The following OTOGL variants were observed in gnomAD, a reference collection of about 807,000 sequenced individuals.
OTOGL encodes the protein otogelin-like protein.
Under a neutral mutation model 318.5 loss-of-function variants are expected in OTOGL, and 285 were observed. The ratio of observed to expected loss-of-function variants is 0.89; its 90% CI spans 0.81 to 0.99. OTOGL has a LOEUF of 0.99. OTOGL is among the 50% of genes least tolerant of loss of function. The pLI is 0.00. For synonymous variants in OTOGL, 987 were observed against 936.5 expected (o/e 1.05, Z -0.99); for missense variants, 2,899 against 2,845.6 (o/e 1.02, Z -0.43).
chr12:80,149,915 T>C (rs1219809920), intron 1 of OTOGL, among the ~76,000 whole-genome samples: 5 of 152,060 alleles, frequency 3.3e-5, no homozygotes, highest in Admixed American at 6.5e-5. Flanking sequence ...CTTCGGCTCA[T>C]GCACGGTGCG....
chr12:80,339,400 A>G, intron 43 of OTOGL, 136 bp downstream of exon 43: 1 of 700,686 alleles, frequency 1.4e-6, no homozygotes, highest in Non-Finnish European at 2.3e-6. Context: ...TTCAGTTCCC[A>G]TGTAAATACG....
At chr12:80,231,942 G>A (rs1879404332) in intron 8 of OTOGL, among the ~76,000 whole-genome samples, 4 of 151,874 alleles carry the variant, frequency 2.6e-5, no homozygotes, top group African/African-American at 9.7e-5. Flanking sequence ...CAGCTGACAT[G>A]ACTATCTTAA....
chr12:80,208,296 A>G, intron 1 of OTOGL: 1 of 482,726 alleles, frequency 2.1e-6, no homozygotes, highest in Non-Finnish European at 4.1e-6. Flanking sequence ...ATGTTGGACC[A>G]TGTAACATTA....
chr12:80,337,439 TTAAG>T (rs1279722063), intron 42 of OTOGL, among the ~76,000 whole-genome samples: 2 of 152,038 alleles, frequency 1.3e-5, no homozygotes, highest in African/African-American at 4.8e-5. Context: ...GTTGACATAA[TTAAG>T]TTTTTGGTGA....
chr12:80,287,466 C>T, intron 26 of OTOGL, among the ~76,000 whole-genome samples: 1 of 148,652 alleles, frequency 6.7e-6, no homozygotes, highest in East Asian at 1.9e-4. Context: ...AATTTTCTGT[C>T]TTGTTGATAT....
chr12:80,229,334 G>C lies in OTOGL; in HGVS notation c.567G>C (p.Glu189Asp), dbSNP rs1879159175. 2.5e-6 allele frequency: 4 copies of C among 1,596,332 alleles called. No homozygotes were observed. In the East Asian group the frequency reaches 8.9e-5, roughly 36 times the overall value. ...TCAGCTTGTTCTTTTCAAACCAAGA[G>C]GAAATTCGAATTTATGGTCATGAAA... ...RSISLFFSNQEEIRIYGHEIK... is the reference protein window; with the variant it reads ...RSISLFFSNQDEIRIYGHEIK... The change falls in exon 8 of 59, where the codon GAG (glutamate) becomes GAC (aspartate). Residue 189 changes from glutamate to aspartate, a missense_variant. Glu to Asp is a conservative substitution (Grantham distance 45). Transcript: ENST00000547103.
Position 80,256,344 on chromosome 12 carries a change from G to C in OTOGL, c.1595G>C (p.Gly532Ala). 1 of 1,594,930 alleles carries C rather than the reference G, an allele frequency of 6.3e-7. No individual in the cohort carries two copies. Reference protein sequence around the residue: ...LQKAPCEQNLGLVCLQSITLI... With the variant: ...LQKAPCEQNLALVCLQSITLI... ...AATTTGATTTTTACGCAGAATCTTG[G>C]CTTGGTCTGCCTTCAGTCTATAACT... is the stretch of plus-strand genomic sequence containing the variant. The change falls in exon 17 of 59, where the codon GGC (glycine) becomes GCC (alanine). Residue 532 changes from glycine to alanine, a missense_variant. Physicochemically the swap from Gly to Ala is moderately conservative, Grantham distance 60. Coordinates refer to ENST00000547103, the MANE Select transcript of OTOGL (RefSeq NM_001378609.3).
rs376575601 is a variant in OTOGL, at chr12:80,293,316, A to G, written c.2929-3511A>G. Among the ~76,000 whole-genome samples, 17 of 152,370 alleles carry G rather than the reference A, an allele frequency of 1.1e-4. No individual in the cohort carries two copies. In the East Asian group the frequency reaches 3.1e-3, roughly 28 times the overall value. Reference sequence around the variant, plus strand: ...TTTACCTTTGCATTGTGCATTATTAACACTAAAGTTAATTTTAAGAAATAC... The same window carrying G: ...TTTACCTTTGCATTGTGCATTATTAGCACTAAAGTTAATTTTAAGAAATAC... On this transcript the variant is annotated intron_variant, in intron 26 of 58. Transcript: ENST00000547103.
At chr12:80,312,217 C>T (rs10862090) in intron 30 of OTOGL, among the ~76,000 whole-genome samples, 29,307 of 151,894 alleles carry the variant, frequency 0.19, 2,994 homozygotes, top group Middle Eastern at 0.24. Context: ...TGCATGGAAC[C>T]GAATTTTCTT....
At chr12:80,236,467 GCTAAATA>G (rs1879855449) in intron 9 of OTOGL, among the ~76,000 whole-genome samples, 1 of 152,152 alleles carries the variant, frequency 6.6e-6, no homozygotes. Flanking sequence ...GTATAAAATA[GCTAAATA>G]CTTGGTTCAA....
At chr12:80,217,011 G>A (rs1325543228) in intron 4 of OTOGL, among the ~76,000 whole-genome samples, 1 of 152,212 alleles carries the variant, frequency 6.6e-6, no homozygotes, top group Non-Finnish European at 1.5e-5. Context: ...TACAGTGTCA[G>A]TCAGCTCTTT....
chr12:80,187,415 G>T (rs1421015710), intron 1 of OTOGL, among the ~76,000 whole-genome samples: 1 of 152,146 alleles, frequency 6.6e-6, no homozygotes, highest in East Asian at 1.9e-4. Flanking sequence ...AAATATGGAG[G>T]AAGGATGACA....
In OTOGL at chr12:80,275,961, A is replaced by G. The variant is rs570481520; in HGVS notation, c.2682-2207A>G. ...TTTTATGTGTACTAGGAACCAAAAA[A>G]TCTGCTTTATTGACTTGCTTTATTG... On this transcript the variant is annotated intron_variant, in intron 24 of 58. Transcript: ENST00000547103. Among the ~76,000 whole-genome samples, 12 of 24,568 alleles carry G rather than the reference A, an allele frequency of 4.9e-4. No individual in the cohort carries two copies. The East Asian group carries it at 0.014, about 30-fold the overall frequency. 16.1% of individuals were successfully genotyped at this position (24,568 alleles called of 152,430 possible). A position where few individuals can be genotyped will look rare whatever the true frequency, so the allele number is the denominator to read the frequency against.
chr12:80,282,906 C>G (rs1035607595), intron 26 of OTOGL, among the ~76,000 whole-genome samples: 2 of 151,860 alleles, frequency 1.3e-5, no homozygotes, highest in African/African-American at 4.8e-5. Flanking sequence ...ACATAAGCCC[C>G]CACTCAGAGA....
rs541182010 is a variant in OTOGL at position 80,266,508 on chromosome 12, C to A, written c.2282C>A (p.Ser761Tyr). Reference sequence around the variant, plus strand: ...CACTGTTCCTCGTTCTGCCTCCATTCCTGCATTTCTCTCTCTTCCCCGGAG... The same window carrying A: ...CACTGTTCCTCGTTCTGCCTCCATTACTGCATTTCTCTCTCTTCCCCGGAG... ...YHHCSSFCLH[S>Y]CISLSSPEQC... Residue 761 changes from serine (S) to tyrosine (Y), a missense_variant, in exon 21 of 59, where the codon TCC (serine) becomes TAC (tyrosine). By Grantham distance (144) the Ser-to-Tyr change is moderately radical (BLOSUM62 -2). Coordinates refer to ENST00000547103, the MANE Select transcript of OTOGL (RefSeq NM_001378609.3). The A allele has an allele frequency of 8.1e-5, 131 of 1,613,486 alleles. No individual in the cohort carries two copies. The East Asian group carries it at 2.2e-3, about 27-fold the overall frequency.
chr12:80,235,579 G>T (rs1217345194), intron 9 of OTOGL, among the ~76,000 whole-genome samples: 1 of 152,036 alleles, frequency 6.6e-6, no homozygotes, highest in Non-Finnish European at 1.5e-5. Context: ...CTAGTTAGAG[G>T]CAGGAAGACT....
chr12:80,276,717 C>T (rs1360842056), intron 24 of OTOGL, among the ~76,000 whole-genome samples: 2 of 151,298 alleles, frequency 1.3e-5, no homozygotes, highest in African/African-American at 2.4e-5. Context: ...CATTGTTGGT[C>T]GGAAAGAAAG....
At chr12:80,310,227 G>T (rs1886540186) in intron 29 of OTOGL, among the ~76,000 whole-genome samples, 1 of 152,170 alleles carries the variant, frequency 6.6e-6, no homozygotes, top group African/African-American at 2.4e-5. Context: ...CTGCATGTGT[G>T]GGAATTGAGT....
rs1887249610 is a variant in OTOGL at position 80,320,445 on chromosome 12, T to C, written c.3826T>C (p.Ser1276Pro). ...AGCATTAGCACTTGTTTCCTTGGAA[T>C]CTGCTGAAAGGCCAAACTACTTTCT... ...VSSLALVSLESAERPNYFLYV... is the reference protein window; with the variant it reads ...VSSLALVSLEPAERPNYFLYV... The change falls in exon 34 of 59, where the codon TCT becomes CCT. Residue 1276 changes from serine (S) to proline (P), a missense_variant. Ser to Pro is a moderately conservative substitution (Grantham distance 74, BLOSUM62 -1). Around this residue, in one of 3 missense-constraint regions of OTOGL, gnomAD observed 2,607 missense variants for 2,524.9 expected, o/e 1.03. Coordinates refer to ENST00000547103, the MANE Select transcript of OTOGL (RefSeq NM_001378609.3). 3 of 1,612,854 alleles carry C rather than the reference T, an allele frequency of 1.9e-6. No homozygotes were observed. Among genetic ancestry groups the C allele is most frequent in the Non-Finnish European group, 2.5e-6 (3 of 1,179,280 alleles).
Sources: allele counts gnomAD v4.1 joint callset (sites outside exome capture counted in the v4.1 genomes callset), GRCh38; gene constraint gnomAD v4.1.1; regional missense constraint gnomAD v4.1.1; transcripts MANE v1.5; gene names NCBI Gene and HGNC (gene_info 2026-07-23, HGNC 2026-07-21).